CCAR2: variants seen among roughly 807,000 people sequenced by gnomAD.
CCAR2 encodes cell cycle and apoptosis regulator 2, also known as cell cycle and apoptosis regulator protein 2.
CCAR2 carries 21 observed loss-of-function variants against 108.1 expected under a neutral mutation model. The observed-to-expected ratio is 0.19, with a 90% CI of 0.14 to 0.28. The LOEUF is 0.28. Ranked by LOEUF, CCAR2 falls within the 10% of genes least tolerant of loss-of-function variation. CCAR2 has a pLI of 1.00. For synonymous variants in CCAR2, 577 were observed against 472.8 expected, an observed-to-expected ratio of 1.22 and a Z score of -2.86; for missense variants, 1,126 against 1,177.0, an observed-to-expected ratio of 0.96 and a Z score of 0.63.
chr8:22,615,811 C>A lies in CCAR2; in HGVS notation c.1507C>A (p.Pro503Thr), dbSNP rs1287548545. Residue 503 changes from proline (P) to threonine (T), a missense_variant, in exon 13 of 21, where the codon CCC becomes ACC. Coordinates refer to ENST00000308511, the MANE Select transcript of CCAR2 (RefSeq NM_001393997.1). ...CACTGATCTCCCAGAGGCCCCTCCA[C>A]CCCCCCTAGAACCTGCTGTCATCGC... The part of the protein sequence containing the change: ...TDTDLPEAPP[P>T]PLEPAVIARP... 1 of 1,613,862 alleles carries A rather than the reference C, an allele frequency of 6.2e-7. No individual in the cohort carries two copies.
intron 7 of CCAR2, 51 bp downstream of exon 7, chr8:22,608,116 C>T (rs748918712): frequency 2.2e-6 from 3 of 1,375,408 alleles, no homozygotes; most frequent in Non-Finnish European, 3.1e-6. Flanking sequence ...CTAACATTCT[C>T]TTTATTTTAT....
In CCAR2 at chr8:22,614,098, C is replaced by G. The variant is rs116637032; in HGVS notation, c.711C>G (p.Ile237Met). Residue 237 changes from isoleucine to methionine, a missense_variant, in exon 9 of 21, where the codon ATC (isoleucine) becomes ATG (methionine). Ile to Met is a conservative substitution (Grantham distance 10). Transcript: ENST00000308511. The stretch of plus-strand genomic sequence containing the variant: ...CCTTGCTGTCTTCCTGTAGCCCCAT[C>G]TGTGACTTCCTAGAACTCCAGCGCC... ...HLTPYTVDSP[I>M]CDFLELQRRY... 2 of 1,613,688 alleles carry G rather than the reference C, an allele frequency of 1.2e-6. No individual in the cohort carries two copies. The highest frequency in any genetic ancestry group is 1.7e-6 in the Non-Finnish European group (2 of 1,179,934).
chr8:22,613,555 G>A (rs1330760219), intron 8 of CCAR2, among the ~76,000 whole-genome samples: 1 of 152,116 alleles, frequency 6.6e-6, no homozygotes, highest in Non-Finnish European at 1.5e-5. Flanking sequence ...AGCTTCCATA[G>A]CTATTGCCAG....
chr8:22,619,753 C>G lies in CCAR2; in HGVS notation c.*71C>G. On this transcript the variant is annotated 3_prime_UTR_variant, in exon 21 of 21. Coordinates refer to ENST00000308511, the MANE Select transcript of CCAR2 (RefSeq NM_001393997.1). Reference sequence around the variant, plus strand: ...CGGCAAAGTTGGAGCCCTTGCGGTACCAGAAAGCAGCGAGAGCGAGACCTG... The same window carrying G: ...CGGCAAAGTTGGAGCCCTTGCGGTAGCAGAAAGCAGCGAGAGCGAGACCTG... 2 of 1,503,812 alleles carry G rather than the reference C, an allele frequency of 1.3e-6. No individual in the cohort carries two copies. The allele number at this position is 1,503,812 out of a possible 1,614,324, so 93.2% of individuals were successfully genotyped here.
downstream of CCAR2, chr8:22,620,759 T>C (rs1191128414): frequency 6.6e-6 from 1 of 152,258 alleles, no homozygotes. Flanking sequence ...TTCCAGATAC[T>C]CAGGTGAGAC....
intron 1 of CCAR2, 143 bp from the exon 2 acceptor site, chr8:22,605,593 T>G: frequency 1.6e-6 from 1 of 610,310 alleles, no homozygotes; most frequent in Non-Finnish European, 2.9e-6. Flanking sequence ...CTTCTCTATA[T>G]TCTCTCCATC....
At chr8:22,610,238 A>G (rs1009708025) in intron 7 of CCAR2, among the ~76,000 whole-genome samples, 2 of 152,136 alleles carry the variant, frequency 1.3e-5, no homozygotes, top group African/African-American at 4.8e-5. Flanking sequence ...TTATTTATTT[A>G]TTTAGTTTCT....
rs199599717 is a variant in CCAR2 at position 22,618,309 on chromosome 8, A to T, written c.2074-40A>T. 7.6e-5 allele frequency: 123 copies of T among 1,613,496 alleles called. No homozygotes were observed. The Middle Eastern group carries it at 8.3e-4, about 11-fold the overall frequency. On this transcript the variant is annotated intron_variant, in intron 16 of 20. Transcript: ENST00000308511. Reference sequence around the variant, plus strand: ...TCCTGGGCGATAGAGCCACTGAGGGAACTATTTGCAAATCCTGCTCATCTT... The same window carrying T: ...TCCTGGGCGATAGAGCCACTGAGGGTACTATTTGCAAATCCTGCTCATCTT...
Position 22,615,812 on chromosome 8 carries a change from C to G in CCAR2, c.1508C>G (p.Pro503Arg), listed in dbSNP as rs1364694653. ...TDTDLPEAPP[P>R]PLEPAVIARP... ...ACTGATCTCCCAGAGGCCCCTCCAC[C>G]CCCCCTAGAACCTGCTGTCATCGCA... The change falls in exon 13 of 21, where the codon CCC (proline) becomes CGC (arginine). Residue 503 changes from proline to arginine, a missense_variant. Physicochemically the swap from Pro to Arg is moderately radical, Grantham distance 103 (BLOSUM62 -2). Coordinates refer to ENST00000308511, the MANE Select transcript of CCAR2 (RefSeq NM_001393997.1). 1.9e-6 allele frequency: 3 copies of G among 1,613,970 alleles called. No homozygotes were observed. Among genetic ancestry groups the G allele is most frequent in the Non-Finnish European group, 1.7e-6 (2 of 1,180,030 alleles).
intron 8 of CCAR2, 107 bp downstream of exon 8, chr8:22,613,243 C>T: frequency 8.1e-7 from 1 of 1,228,126 alleles, no homozygotes; most frequent in Non-Finnish European, 1.1e-6. Context: ...ACAGCCTTTT[C>T]TTACAAAACG....
At chr8:22,621,338 T>A, downstream of CCAR2, 1 of 1,499,620 alleles carries the variant, frequency 6.7e-7, no homozygotes, top group Non-Finnish European at 9.0e-7. Context: ...GTCCCCAGCC[T>A]GTGAGAGGAG....
At position 22,606,081 on chromosome 8, in the gene CCAR2, A is replaced by T; in HGVS notation, c.59-4A>T. 1.9e-6 allele frequency: 3 copies of T among 1,613,086 alleles called. No individual in the cohort carries two copies. Among genetic ancestry groups the T allele is most frequent in the Non-Finnish European group, 2.5e-6 (3 of 1,179,036 alleles). On this transcript the variant is annotated splice_polypyrimidine_tract_variant and splice_region_variant and intron_variant, in intron 2 of 20. Coordinates refer to ENST00000308511, the MANE Select transcript of CCAR2 (RefSeq NM_001393997.1). ...TCCTGGAGATTGCTTCTCTTTCCCC[A>T]TAGGCACAGCTTCAACATCTCTTCT...
Position 22,606,636 on chromosome 8 carries a change from T to C in CCAR2, c.180T>C (p.Gly60=), listed in dbSNP as rs1801091404. 6.2e-7 allele frequency: 1 copy of C among 1,614,116 alleles called. No homozygotes were observed. Among genetic ancestry groups the C allele is most frequent in the Non-Finnish European group, 8.5e-7 (1 of 1,179,980 alleles). Residue 60 remains glycine, a synonymous_variant, in exon 4 of 21, where the codon GGT becomes GGC. Transcript: ENST00000308511. ...QGGEKQRVFT[G]IVTSLHDYFG... ...GGGAGAAACAGCGGGTCTTCACTGGTATTGTTACCAGCTTGCATGACTACT... is the reference window on the plus strand; with the variant it reads ...GGGAGAAACAGCGGGTCTTCACTGGCATTGTTACCAGCTTGCATGACTACT...
intron 14 of CCAR2, 35 bp from the exon 15 acceptor site, chr8:22,617,385 T>TG: frequency 2.0e-6 from 3 of 1,517,750 alleles, no homozygotes; most frequent in Non-Finnish European, 2.6e-6. Flanking sequence ...GGTAACTGCC[T>TG]GCCTTTTCCT....
rs773273054 is a variant in CCAR2 at position 22,618,358 on chromosome 8, C to G, written c.2083C>G (p.Leu695Val). The G allele has an allele frequency of 6.2e-7, 1 of 1,614,246 alleles. No individual in the cohort carries two copies. Among genetic ancestry groups the G allele is most frequent in the East Asian group, 2.2e-5 (1 of 44,880 alleles). The part of the protein sequence containing the change: ...FSSLQDMPKE[L>V]DPSAVLPLDC... Reference sequence around the variant, plus strand: ...TTTGTTTTCTTTGCAGCCCAAGGAGCTGGATCCCTCTGCTGTGCTCCCCTT... The same window carrying G: ...TTTGTTTTCTTTGCAGCCCAAGGAGGTGGATCCCTCTGCTGTGCTCCCCTT... The change falls in exon 17 of 21, where the codon CTG (leucine) becomes GTG (valine). Residue 695 changes from leucine to valine, a missense_variant. Leu to Val is a conservative substitution (Grantham distance 32). This residue lies in a region of CCAR2 where 1,013 missense variants were observed against 993.9 expected (regional missense o/e 1.02). Transcript: ENST00000308511.
At position 22,618,483 on chromosome 8, in the gene CCAR2, C is replaced by T. The variant is rs775928963; in HGVS notation, c.2208C>T (p.Leu736=). 26 of 1,614,112 alleles carry T rather than the reference C, an allele frequency of 1.6e-5. No homozygotes were observed. Among genetic ancestry groups the T allele is most frequent in the African/African-American group, 4.0e-5 (3 of 74,946 alleles). Residue 736 remains leucine, a synonymous_variant, in exon 17 of 21, where the codon CTC becomes CTT. Coordinates refer to ENST00000308511, the MANE Select transcript of CCAR2 (RefSeq NM_001393997.1). ...TCCTCCTTACCCTTGGGATCCGGCT[C>T]AGTGCAGAGCAGGTACCTTCTTTCC... is the stretch of plus-strand genomic sequence containing the variant. The part of the protein sequence containing the change: ...ERILLTLGIR[L]SAEQAKQLVS...
In CCAR2 at chr8:22,617,486, G is replaced by A. The variant is rs777851813; in HGVS notation, c.1912G>A (p.Glu638Lys). 6.9e-6 allele frequency: 11 copies of A among 1,605,042 alleles called. No individual in the cohort carries two copies. Among genetic ancestry groups the A allele is most frequent in the African/African-American group, 1.3e-5 (1 of 74,366 alleles). ...GGEEEEKPRG[E>K]ASEDLCEMAL... ...AGAGGAAGAAGAAAAACCCCGGGGC[G>A]AGGCTTCTGAGGACCTGTGTGAGAT... is the stretch of plus-strand genomic sequence containing the variant. Residue 638 changes from glutamate (E) to lysine (K), a missense_variant, in exon 15 of 21, where the codon GAG becomes AAG. By Grantham distance (56) the Glu-to-Lys change is moderately conservative. Coordinates refer to ENST00000308511, the MANE Select transcript of CCAR2 (RefSeq NM_001393997.1).
Position 22,606,655 on chromosome 8 carries a change from G to A in CCAR2, c.199G>A (p.Asp67Asn). The stretch of plus-strand genomic sequence containing the variant: ...CACTGGTATTGTTACCAGCTTGCAT[G>A]ACTACTTTGGGGTTGTGGATGAAGA... ...VFTGIVTSLH[D>N]YFGVVDEEVF... is the part of the protein sequence containing the mutation. Residue 67 changes from aspartate to asparagine, a missense_variant, in exon 4 of 21, where the codon GAC (aspartate) becomes AAC (asparagine). Transcript: ENST00000308511. 6.2e-7 allele frequency: 1 copy of A among 1,614,222 alleles called. No individual in the cohort carries two copies. The highest frequency in any genetic ancestry group is 8.5e-7 in the Non-Finnish European group (1 of 1,180,024).
chr8:22,614,708 A>G (rs758506268), intron 10 of CCAR2, 130 bp from the exon 11 acceptor site: 3 of 934,562 alleles, frequency 3.2e-6, no homozygotes, highest in Non-Finnish European at 4.8e-6. Flanking sequence ...GTTTGCAGAT[A>G]GAGACCTCAC....
Sources: allele counts gnomAD v4.1 joint callset (sites outside exome capture counted in the v4.1 genomes callset), GRCh38; gene constraint gnomAD v4.1.1; regional missense constraint gnomAD v4.1.1; transcripts MANE v1.5; gene names NCBI Gene and HGNC (gene_info 2026-07-23, HGNC 2026-07-21).